The following TRAPPC13 variants were observed in gnomAD, a reference collection of about 807,000 sequenced individuals.
The protein encoded by TRAPPC13 is trafficking protein particle complex subunit 13, also known as REV7-interacting novel NHEJ regulator 1.
Under a neutral mutation model 54.0 loss-of-function variants are expected in TRAPPC13, and 39 were observed. That is an observed-to-expected ratio of 0.72 (90% CI 0.56 to 0.94). The LOEUF (loss-of-function observed/expected upper bound fraction) is 0.94. Among genes scored for constraint, TRAPPC13 ranks in the 40% least tolerant of loss-of-function variants. The pLI is 0.00. For synonymous variants in TRAPPC13, 148 were observed against 167.7 expected (o/e 0.88, Z 0.91); for missense variants, 386 against 488.1 (o/e 0.79, Z 1.97).
chr5:65,643,160 G>A (rs188410676), intron 4 of TRAPPC13, among the ~76,000 whole-genome samples: 96 of 151,130 alleles, frequency 6.4e-4, no homozygotes, highest in African/African-American at 2.3e-3. Context: ...AGGGGGAAAG[G>A]CTTTTTTTTT....
intron 1 of TRAPPC13, among the ~76,000 whole-genome samples, chr5:65,634,132 C>A (rs1755656446): frequency 6.6e-6 from 1 of 151,768 alleles, no homozygotes. Context: ...ACTACAGGCA[C>A]CCGCCACCAC....
At chr5:65,653,341 A>G (rs573985657) in intron 7 of TRAPPC13, among the ~76,000 whole-genome samples, 1 of 152,200 alleles carries the variant, frequency 6.6e-6, no homozygotes, top group South Asian at 2.1e-4. Flanking sequence ...TATCTCTGCT[A>G]CTCTAAAACC....
intron 9 of TRAPPC13, 92 bp from the exon 10 acceptor site, chr5:65,660,607 C>G (rs1168716464): frequency 1.0e-6 from 1 of 1,000,298 alleles, no homozygotes; most frequent in Admixed American, 3.3e-5. Context: ...GGTACATCAT[C>G]CAGTTCCTAT....
At chr5:65,652,339 C>CCTT (rs1756492057) in intron 6 of TRAPPC13, among the ~76,000 whole-genome samples, 162 bp from the exon 7 acceptor site, 5 of 116,234 alleles carry the variant, frequency 4.3e-5, no homozygotes, top group African/African-American at 1.6e-4. Context: ...TTTTTCTTTT[C>CCTT]TTTTTTTTTT....
At chr5:65,658,620 A>G (rs1461507216) in intron 9 of TRAPPC13, 119 bp downstream of exon 9, 3 of 847,126 alleles carry the variant, frequency 3.5e-6, no homozygotes, top group African/African-American at 1.8e-5. Context: ...TTTGAGGTTC[A>G]TAGAAAAATT....
chr5:65,632,682 A>C (rs1231051007), intron 1 of TRAPPC13, among the ~76,000 whole-genome samples: 1 of 152,194 alleles, frequency 6.6e-6, no homozygotes, highest in Non-Finnish European at 1.5e-5. Flanking sequence ...CTTAGAGAGT[A>C]CTCATGAGAA....
Position 65,658,448 on chromosome 5 carries a change from A to G in TRAPPC13, c.645A>G (p.Pro215=). 6.3e-7 allele frequency: 1 copy of G among 1,591,328 alleles called. No individual in the cohort carries two copies. The highest frequency in any genetic ancestry group is 8.6e-7 in the Non-Finnish European group (1 of 1,167,126). The change falls in exon 9 of 13, where the codon CCA becomes CCG. Residue 215 remains proline, a synonymous_variant. Transcript: ENST00000399438. ...PMFMEKVSLE[P]SIMYNVTELN... is the part of the protein sequence containing the mutation. ...TTATGGAGAAGGTTTCACTGGAGCC[A>G]TCTATTATGTACAATGTAACAGAAT...
chr5:65,626,580 C>T (rs1363083658), intron 1 of TRAPPC13, among the ~76,000 whole-genome samples: 3 of 152,042 alleles, frequency 2.0e-5, no homozygotes, highest in African/African-American at 7.2e-5. Context: ...TATAAAAATA[C>T]AAAAAGTTAG....
chr5:65,662,663 A>G (rs756797310), intron 11 of TRAPPC13: 1 of 152,216 alleles, frequency 6.6e-6, no homozygotes, highest in Non-Finnish European at 1.5e-5. Context: ...AAATAGAATT[A>G]AGTTCCAGTC....
chr5:65,661,655 T>C (rs1263909992), intron 10 of TRAPPC13: 1 of 155,852 alleles, frequency 6.4e-6, no homozygotes, highest in Non-Finnish European at 1.4e-5. Context: ...GTCATGATTT[T>C]CTTCCTGGCT....
chr5:65,630,109 T>C (rs1755465379), intron 1 of TRAPPC13: 4 of 1,536,068 alleles, frequency 2.6e-6, no homozygotes, highest in Non-Finnish European at 3.5e-6. Context: ...TAGAACACAC[T>C]ATTTGTAACA....
At chr5:65,638,974 C>T (rs1755867141) in intron 4 of TRAPPC13, among the ~76,000 whole-genome samples, 1 of 152,132 alleles carries the variant, frequency 6.6e-6, no homozygotes, top group Non-Finnish European at 1.5e-5. Flanking sequence ...ATCCCAGCTA[C>T]CTGGGAAGCT....
intron 4 of TRAPPC13, among the ~76,000 whole-genome samples, chr5:65,638,919 A>G (rs1755864801): frequency 6.6e-6 from 1 of 152,094 alleles, no homozygotes; most frequent in African/African-American, 2.4e-5. Context: ...TACCATCTCT[A>G]CTAAAAATAC....
intron 1 of TRAPPC13, 161 bp downstream of exon 1, chr5:65,625,267 T>C (rs188723604): frequency 7.0e-5 from 45 of 644,226 alleles, no homozygotes; most frequent in Middle Eastern, 2.5e-4. Context: ...TCCTGGATGC[T>C]TTTTAGGTTT....
intron 6 of TRAPPC13, among the ~76,000 whole-genome samples, chr5:65,651,317 G>T (rs532610012): frequency 6.6e-6 from 1 of 152,090 alleles, no homozygotes; most frequent in Non-Finnish European, 1.5e-5. Flanking sequence ...AGGCTTCAAG[G>T]CTTCAGTGAG....
At chr5:65,636,509 T>TA (rs968036066) in intron 3 of TRAPPC13, among the ~76,000 whole-genome samples, 17 of 148,892 alleles carry the variant, frequency 1.1e-4, no homozygotes, top group East Asian at 9.8e-4. Context: ...TTTCTGTTAT[T>TA]AAAAAAAAAA....
At chr5:65,656,025 G>A (rs1035647344) in intron 8 of TRAPPC13, among the ~76,000 whole-genome samples, 12 of 151,932 alleles carry the variant, frequency 7.9e-5, no homozygotes, top group African/African-American at 2.7e-4. Context: ...CTGTATAATC[G>A]AAATTCATTT....
At chr5:65,660,567 G>A (rs773195750) in intron 9 of TRAPPC13, 132 bp from the exon 10 acceptor site, 65 of 538,966 alleles carry the variant, frequency 1.2e-4, no homozygotes, top group Non-Finnish European at 1.4e-4. Context: ...TATTGAAATC[G>A]TTAACATGTT....
At chr5:65,647,377 A>G (rs1335444047) in intron 5 of TRAPPC13, among the ~76,000 whole-genome samples, 195 bp downstream of exon 5, 2 of 152,194 alleles carry the variant, frequency 1.3e-5, no homozygotes, top group Non-Finnish European at 2.9e-5. Flanking sequence ...CCAGTTTATC[A>G]TCATTTATCT....
Sources: gnomAD v4.1 joint callset for allele counts (sites outside exome capture counted in the v4.1 genomes callset) on GRCh38, gnomAD v4.1.1 for gene constraint, MANE v1.5 for transcripts, NCBI Gene and HGNC (gene_info 2026-07-23, HGNC 2026-07-21) for gene names.